The following AIG1 variants were observed in gnomAD, a reference collection of about 807,000 sequenced individuals.
The protein encoded by AIG1 is androgen-induced gene 1 protein.
Under a neutral mutation model 31.4 loss-of-function variants are expected in AIG1, and 23 were observed. The observed-to-expected ratio is 0.73, with a 90% CI of 0.53 to 1.04. The LOEUF is 1.04. AIG1 is among the 50% of genes least tolerant of loss of function. AIG1 has a pLI of 0.00. For missense variants in AIG1, 274 were observed against 295.0 expected, an observed-to-expected ratio of 0.93 and a Z score of 0.52; for synonymous variants, 100 against 110.5, an observed-to-expected ratio of 0.90 and a Z score of 0.60.
intron 3 of AIG1, among the ~76,000 whole-genome samples, chr6:143,241,091 GA>G (rs199598240): frequency 4.3e-4 from 63 of 146,626 alleles, no homozygotes; most frequent in South Asian, 6.4e-4. Flanking sequence ...AAAGTGGTCT[GA>G]AAAAAAAAAA....
chr6:143,273,086 G>GCA (rs1796648963), intron 3 of AIG1, among the ~76,000 whole-genome samples: 1 of 152,218 alleles, frequency 6.6e-6, no homozygotes, highest in Non-Finnish European at 1.5e-5. Context: ...CTGAGATCAT[G>GCA]CCATTGCACT....
intron 3 of AIG1, among the ~76,000 whole-genome samples, chr6:143,237,665 T>C (rs777809117): frequency 3.9e-4 from 59 of 152,194 alleles, no homozygotes; most frequent in Non-Finnish European, 5.0e-4. Context: ...GAAAAACAAT[T>C]TCTACTCTAA....
At chr6:143,083,733 G>T (rs1324431406) in intron 1 of AIG1, among the ~76,000 whole-genome samples, 1 of 152,172 alleles carries the variant, frequency 6.6e-6, no homozygotes, top group Non-Finnish European at 1.5e-5. Flanking sequence ...AGTGGGTACT[G>T]CCTTTGGTAG....
chr6:143,079,840 A>G (rs1239447847), intron 1 of AIG1, among the ~76,000 whole-genome samples: 1 of 134,670 alleles, frequency 7.4e-6, no homozygotes, highest in Non-Finnish European at 1.5e-5. Flanking sequence ...CAGAGCTCCT[A>G]TACAATGGGA....
At chr6:143,133,636 A>T (rs901058642) in intron 1 of AIG1, among the ~76,000 whole-genome samples, 1 of 152,120 alleles carries the variant, frequency 6.6e-6, no homozygotes, top group Non-Finnish European at 1.5e-5. Context: ...ATTGCTGAGT[A>T]AAAAGTCCAT....
At chr6:143,105,019 G>T (rs922323945) in intron 1 of AIG1, among the ~76,000 whole-genome samples, 2 of 152,190 alleles carry the variant, frequency 1.3e-5, no homozygotes, top group African/African-American at 4.8e-5. Flanking sequence ...CATATTAACA[G>T]TTAAGCTCAG....
intron 3 of AIG1, among the ~76,000 whole-genome samples, chr6:143,217,007 C>T (rs1321865391): frequency 1.3e-5 from 2 of 152,180 alleles, no homozygotes; most frequent in Non-Finnish European, 2.9e-5. Flanking sequence ...AGCAAAACCA[C>T]TGTTAGAAAG....
At chr6:143,124,454 C>A (rs987716466) in intron 1 of AIG1, among the ~76,000 whole-genome samples, 5 of 152,188 alleles carry the variant, frequency 3.3e-5, no homozygotes, top group African/African-American at 1.2e-4. Flanking sequence ...GGTCTCCTGC[C>A]CACGGTGGAC....
chr6:143,286,942 C>T (rs186754070), intron 4 of AIG1, among the ~76,000 whole-genome samples: 2 of 151,962 alleles, frequency 1.3e-5, no homozygotes, highest in East Asian at 3.9e-4. Context: ...AGCTCCCATT[C>T]TCGGTGGTTC....
Position 143,292,214 on chromosome 6 carries a change from A to C in AIG1, c.515+7989A>C, listed in dbSNP as rs1798106989. Among the ~76,000 whole-genome samples the C allele has an allele frequency of 6.6e-6, 1 of 152,240 alleles. No homozygotes were observed. Among genetic ancestry groups the C allele is most frequent in the Non-Finnish European group, 1.5e-5 (1 of 68,038 alleles). The stretch of plus-strand genomic sequence containing the variant: ...AAGATATCCACATCCTAAAATCCCC[A>C]GAACTTGTGGATATGTTCCCTGACA... On this transcript the variant is annotated intron_variant, in intron 4 of 5. Transcript: ENST00000357847. The surrounding 1 kb of genome is among the most constrained non-coding windows in gnomAD (Gnocchi z 4.9).
intron 3 of AIG1, chr6:143,189,727 C>T: frequency 1.0e-6 from 1 of 985,354 alleles, no homozygotes; most frequent in Non-Finnish European, 1.2e-6. Flanking sequence ...CCCTCAAAAC[C>T]CTCATCCCTA....
chr6:143,269,475 T>A (rs1386544209), intron 3 of AIG1, among the ~76,000 whole-genome samples: 2 of 152,148 alleles, frequency 1.3e-5, no homozygotes, highest in African/African-American at 4.8e-5. Context: ...TCAGTATATA[T>A]GCCTAAGAAA....
intron 1 of AIG1, among the ~76,000 whole-genome samples, chr6:143,096,143 G>C (rs1480247320): frequency 2.0e-5 from 3 of 151,788 alleles, no homozygotes; most frequent in Non-Finnish European, 2.9e-5. Flanking sequence ...CCTGACCTTG[G>C]AATTTGCCTG....
At chr6:143,286,035 C>T (rs1797662003) in intron 4 of AIG1, among the ~76,000 whole-genome samples, 1 of 136,580 alleles carries the variant, frequency 7.3e-6, no homozygotes, top group Non-Finnish European at 1.6e-5. Flanking sequence ...ACCCCAAATA[C>T]GGTCTTGTTA....
chr6:143,190,341 C>T (rs1035707660), intron 3 of AIG1: 22 of 985,340 alleles, frequency 2.2e-5, no homozygotes, highest in Admixed American at 1.2e-4. Flanking sequence ...ATGCTTGAGG[C>T]TCCTCATGCC....
intron 4 of AIG1, among the ~76,000 whole-genome samples, chr6:143,307,787 T>G (rs1008410374): frequency 2.0e-5 from 3 of 152,252 alleles, no homozygotes; most frequent in Non-Finnish European, 4.4e-5. Context: ...TTTGTTTGTC[T>G]GTGCCCTGCC....
intron 4 of AIG1, among the ~76,000 whole-genome samples, chr6:143,287,672 G>A (rs1453720560): frequency 7.4e-6 from 1 of 134,986 alleles, no homozygotes; most frequent in Non-Finnish European, 1.5e-5. Flanking sequence ...AGGACAGAAT[G>A]TACCCCATAG....
intron 4 of AIG1, among the ~76,000 whole-genome samples, chr6:143,305,011 C>T (rs1047464365): frequency 6.6e-6 from 1 of 152,224 alleles, no homozygotes; most frequent in Admixed American, 6.5e-5. Flanking sequence ...AGTTTATTTG[C>T]GTAGAGGTGT....
chr6:143,098,203 A>G (rs1583168121), intron 1 of AIG1, among the ~76,000 whole-genome samples: 1 of 152,314 alleles, frequency 6.6e-6, no homozygotes, highest in Non-Finnish European at 1.5e-5. Context: ...TCTCTCTGAA[A>G]CACACTCTGC....
Sources: allele counts gnomAD v4.1 joint callset (sites outside exome capture counted in the v4.1 genomes callset), GRCh38; gene constraint gnomAD v4.1.1; non-coding constraint Gnocchi (gnomAD v3.1); transcripts MANE v1.5; gene names NCBI Gene and HGNC (gene_info 2026-07-23, HGNC 2026-07-21).